PNKD: variants seen among roughly 807,000 people sequenced by gnomAD.
The protein encoded by PNKD is PNKD metallo-beta-lactamase domain containing, also known as probable thioesterase PNKD.
PNKD carries 36 observed loss-of-function variants against 45.3 expected under a neutral mutation model. The ratio of observed to expected loss-of-function variants is 0.80; its 90% CI spans 0.61 to 1.05. The LOEUF (loss-of-function observed/expected upper bound fraction) is 1.05, where lower values mean the gene tolerates loss of function less well. Ranked by LOEUF, PNKD falls within the 50% of genes least tolerant of loss-of-function variation. The pLI, the probability that PNKD is intolerant of heterozygous loss-of-function variation, is 0.00. For missense variants in PNKD, 511 were observed against 506.6 expected (o/e 1.01, Z -0.08); for synonymous variants, 197 against 210.1 (o/e 0.94, Z 0.54).
At chr2:218,344,317 T>C (rs1694766293) in intron 8 of PNKD, 138 bp from the exon 9 acceptor site, 2 of 696,424 alleles carry the variant, frequency 2.9e-6, no homozygotes, top group Non-Finnish European at 2.7e-6. Context: ...CTCCTGGCAG[T>C]TGGGGTTTTC....
Position 218,280,304 on chromosome 2 carries a change from C to A in PNKD, c.236+8755C>A, listed in dbSNP as rs1281424986. On this transcript the variant is annotated intron_variant, in intron 2 of 9. Coordinates refer to ENST00000273077, the MANE Select transcript of PNKD (RefSeq NM_015488.5). ...ACCCTCAGAGTGACCCAGAGCCGGC[C>A]TGTCACGAGGGGGCTTAGGTGGGAA... 5 of 572,988 alleles carry A rather than the reference C, an allele frequency of 8.7e-6. No individual in the cohort carries two copies. The East Asian group carries it at 1.5e-4, about 17-fold the overall frequency. 35.5% of individuals were successfully genotyped at this position (572,988 alleles called of 1,614,324 possible).
At chr2:218,294,727 C>G (rs1693101959) in intron 2 of PNKD, among the ~76,000 whole-genome samples, 2 of 152,224 alleles carry the variant, frequency 1.3e-5, no homozygotes, top group Non-Finnish European at 2.9e-5. Flanking sequence ...ATTTGCCCTC[C>G]TCCACCTCCC....
chr2:218,300,269 C>A (rs1194920166), intron 2 of PNKD, among the ~76,000 whole-genome samples: 1 of 152,146 alleles, frequency 6.6e-6, no homozygotes, highest in East Asian at 1.9e-4. Flanking sequence ...CTAACTTGTC[C>A]ATTCATACTA....
chr2:218,314,560 TGAGTTTTCA>T (rs1163415568), intron 2 of PNKD, among the ~76,000 whole-genome samples: 1 of 152,192 alleles, frequency 6.6e-6, no homozygotes, highest in African/African-American at 2.4e-5. Flanking sequence ...TTGATTCTTT[TGAGTTTTCA>T]CATTTTTTCA....
At chr2:218,298,672 G>A (rs1238016227) in intron 2 of PNKD, among the ~76,000 whole-genome samples, 2 of 152,002 alleles carry the variant, frequency 1.3e-5, no homozygotes, top group Non-Finnish European at 2.9e-5. Flanking sequence ...GAACTTGCCC[G>A]AGCTGGGAGC....
At chr2:218,300,956 T>C (rs1167134792) in intron 2 of PNKD, among the ~76,000 whole-genome samples, 2 of 152,354 alleles carry the variant, frequency 1.3e-5, no homozygotes, top group Admixed American at 1.3e-4. Context: ...ATATAGGATC[T>C]GTATTTAGAT....
intron 2 of PNKD, among the ~76,000 whole-genome samples, chr2:218,336,788 CTTTT>C (rs71064439): frequency 1.7e-4 from 5 of 29,174 alleles, no homozygotes; most frequent in African/African-American, 4.4e-4. Flanking sequence ...GCCTTCAATT[CTTTT>C]TTTTTTTTTT....
intron 2 of PNKD, among the ~76,000 whole-genome samples, chr2:218,325,198 C>CTTTTTTTTTTTTTTTTTTTTTTT (rs746439948): frequency 2.5e-5 from 1 of 39,764 alleles, no homozygotes; most frequent in African/African-American, 1.2e-4. Flanking sequence ...CGCACCCGGC[C>CTTTTTTTTTTTTTTTTTTTTTTT]TTTTTTTTTT....
intron 2 of PNKD, among the ~76,000 whole-genome samples, chr2:218,302,393 G>T (rs1005855250): frequency 2.0e-5 from 3 of 152,174 alleles, no homozygotes; most frequent in African/African-American, 7.2e-5. Context: ...TCTTATGTTG[G>T]CAGAAGGTGG....
At chr2:218,330,047 G>C (rs147263250) in intron 2 of PNKD, among the ~76,000 whole-genome samples, 213 of 152,326 alleles carry the variant, frequency 1.4e-3, no homozygotes, top group African/African-American at 5.0e-3. Flanking sequence ...GCCTGAGCTT[G>C]CCTGTTGGGT....
intron 2 of PNKD, among the ~76,000 whole-genome samples, chr2:218,330,504 T>C (rs1449150843): frequency 6.6e-6 from 1 of 152,182 alleles, no homozygotes; most frequent in African/African-American, 2.4e-5. Flanking sequence ...AGGTGCACTT[T>C]GACCCTACAC....
intron 2 of PNKD, chr2:218,277,157 G>T: frequency 1.3e-6 from 2 of 1,487,884 alleles, no homozygotes; most frequent in South Asian, 1.1e-5. Context: ...AGCCCAGTCA[G>T]ACTGGCCCTG....
At chr2:218,325,243 T>C (rs1432943592) in intron 2 of PNKD, among the ~76,000 whole-genome samples, 1 of 134,700 alleles carries the variant, frequency 7.4e-6, no homozygotes, top group Non-Finnish European at 1.6e-5. Flanking sequence ...CTTGCTCTGT[T>C]CCCTAGGCTG....
In PNKD at chr2:218,315,674, C is replaced by T. The variant is rs1233527687; in HGVS notation, c.237-24109C>T. On this transcript the variant is annotated intron_variant, in intron 2 of 9. Coordinates refer to ENST00000273077, the MANE Select transcript of PNKD (RefSeq NM_015488.5). ...CCAGATTGAACATGTCTTTCATTTT[C>T]TTCTAATTTTCTGTGGTTTAATTTT... 2.0e-5 allele frequency among the ~76,000 whole-genome samples: 3 copies of T among 152,138 alleles called. No individual in the cohort carries two copies. The East Asian group carries it at 5.8e-4, about 29-fold the overall frequency.
At chr2:218,312,026 A>G (rs1693629970) in intron 2 of PNKD, among the ~76,000 whole-genome samples, 1 of 152,270 alleles carries the variant, frequency 6.6e-6, no homozygotes, top group South Asian at 2.1e-4. Flanking sequence ...TTAACAAGGC[A>G]CATCCTGCAC....
At chr2:218,317,234 C>T (rs1247554489) in intron 2 of PNKD, among the ~76,000 whole-genome samples, 3 of 152,100 alleles carry the variant, frequency 2.0e-5, no homozygotes, top group Non-Finnish European at 4.4e-5. Flanking sequence ...ACCACCTATG[C>T]GAAATGCACA....
At chr2:218,277,379 CAGA>C in intron 2 of PNKD, 1 of 1,614,132 alleles carries the variant, frequency 6.2e-7, no homozygotes, top group Non-Finnish European at 8.5e-7. Context: ...GGTCTGAAAG[CAGA>C]AGATGGTGAC....
chr2:218,341,918 G>A, intron 6 of PNKD, 63 bp from the exon 7 acceptor site: 1 of 1,359,604 alleles, frequency 7.4e-7, no homozygotes, highest in South Asian at 1.2e-5. Flanking sequence ...GGCCTGGGAT[G>A]GGGACAGGGA....
intron 2 of PNKD, among the ~76,000 whole-genome samples, chr2:218,283,210 A>G (rs1692211491): frequency 6.6e-6 from 1 of 152,230 alleles, no homozygotes; most frequent in Admixed American, 6.5e-5. Flanking sequence ...TGGAGTTGGA[A>G]GGGACCTCAG....
Sources: gnomAD v4.1 joint callset for allele counts (sites outside exome capture counted in the v4.1 genomes callset) on GRCh38, gnomAD v4.1.1 for gene constraint, MANE v1.5 for transcripts, NCBI Gene and HGNC (gene_info 2026-07-23, HGNC 2026-07-21) for gene names.